Variants in TACR3 observed in about 807,000 individuals in gnomAD.
The protein encoded by TACR3 is tachykinin receptor 3, also known as neuromedin-K receptor.
Under a neutral mutation model 35.0 loss-of-function variants are expected in TACR3, and 34 were observed. That is an observed-to-expected ratio of 0.97 (90% confidence interval 0.74 to 1.30). TACR3 has a LOEUF of 1.30. Among genes scored for constraint, TACR3 ranks in the 50% most tolerant of loss-of-function variants. TACR3 has a pLI of 0.00. For missense variants in TACR3, 558 were observed against 591.7 expected (o/e 0.94, Z 0.59); for synonymous variants, 233 against 221.1 (o/e 1.05, Z -0.48).
intron 1 of TACR3, among the ~76,000 whole-genome samples, chr4:103,660,459 C>A (rs1041350755): frequency 5.3e-5 from 8 of 151,728 alleles, no homozygotes; most frequent in African/African-American, 1.9e-4. Context: ...TAACATAGTA[C>A]CTATAGTTAG....
intron 3 of TACR3, among the ~76,000 whole-genome samples, chr4:103,652,073 C>T (rs1272714552): frequency 6.6e-6 from 1 of 152,054 alleles, no homozygotes; most frequent in East Asian, 1.9e-4. Flanking sequence ...GTGGTACATG[C>T]ACCCCCTTAG....
chr4:103,633,705 C>T (rs1244411079), intron 3 of TACR3, among the ~76,000 whole-genome samples: 1 of 152,104 alleles, frequency 6.6e-6, no homozygotes, highest in East Asian at 1.9e-4. Context: ...ATAATAGTCT[C>T]TAACCTTATC....
Position 103,658,212 on chromosome 4 carries a change from T to C in TACR3, c.737+3A>G. The C allele has an allele frequency of 6.2e-7, 1 of 1,613,636 alleles. No homozygotes were observed. The highest frequency in any genetic ancestry group is 8.5e-7 in the Non-Finnish European group (1 of 1,179,706). On this transcript the variant is annotated splice_donor_region_variant and intron_variant, in intron 2 of 4. Coordinates refer to ENST00000304883, the MANE Select transcript of TACR3 (RefSeq NM_001059.3). ...TGAAAACCATAATAGAGAATTAACT[T>C]ACGTGAAATGTTGTTTGGGACCTTC...
intron 3 of TACR3, among the ~76,000 whole-genome samples, chr4:103,601,207 T>C (rs535634404): frequency 2.0e-5 from 3 of 152,006 alleles, no homozygotes; most frequent in Non-Finnish European, 4.4e-5. Context: ...TTTACCATTA[T>C]GTAATGGCCT....
intron 3 of TACR3, among the ~76,000 whole-genome samples, chr4:103,629,167 A>T (rs1578233488): frequency 6.6e-6 from 1 of 152,158 alleles, no homozygotes; most frequent in Admixed American, 6.5e-5. Flanking sequence ...TTTATGACAA[A>T]CCCACAGCCA....
At chr4:103,651,379 C>T (rs1206312161) in intron 3 of TACR3, among the ~76,000 whole-genome samples, 1 of 151,814 alleles carries the variant, frequency 6.6e-6, no homozygotes, top group Admixed American at 6.6e-5. Flanking sequence ...CTGCCACAGG[C>T]CTACAGGGAG....
intron 3 of TACR3, among the ~76,000 whole-genome samples, chr4:103,601,109 G>T (rs139152602): frequency 3.3e-5 from 5 of 151,982 alleles, no homozygotes; most frequent in Admixed American, 6.6e-5. Flanking sequence ...TTTGTTGGTC[G>T]CTAAGGACTT....
chr4:103,638,736 A>G (rs1578238138), intron 3 of TACR3, among the ~76,000 whole-genome samples: 1 of 152,146 alleles, frequency 6.6e-6, no homozygotes, highest in South Asian at 2.1e-4. Context: ...ACTCAAACAA[A>G]TTTACAAGAA....
chr4:103,662,866 G>A (rs77200138), intron 1 of TACR3, among the ~76,000 whole-genome samples: 2,260 of 152,170 alleles, frequency 0.015, 57 homozygotes, highest in African/African-American at 0.052. Context: ...ATGGAGCATC[G>A]ATTTCAAACT....
intron 3 of TACR3, among the ~76,000 whole-genome samples, chr4:103,650,652 AT>A (rs1725576950): frequency 2.0e-5 from 1 of 51,128 alleles, no homozygotes; most frequent in African/African-American, 1.5e-4. Flanking sequence ...TTTAATATAT[AT>A]AAATATATAT....
In TACR3 at chr4:103,709,357, T is replaced by C. The variant is rs890310380; in HGVS notation, c.548+9771A>G. Among the ~76,000 whole-genome samples, 4 of 152,198 alleles carry C rather than the reference T, an allele frequency of 2.6e-5. No homozygotes were observed. The South Asian group carries it at 8.3e-4, about 32-fold the overall frequency. The stretch of plus-strand genomic sequence containing the variant: ...AGAGAGTGGGGGCCAATATTCAACA[T>C]TCTTAAAGAAAAGAATTTTCAACCT... On this transcript the variant is annotated intron_variant, in intron 1 of 4. Transcript: ENST00000304883.
At position 103,707,364 on chromosome 4, in the gene TACR3, A is replaced by C. The variant is rs998013234; in HGVS notation, c.548+11764T>G. On this transcript the variant is annotated intron_variant, in intron 1 of 4. Transcript: ENST00000304883. Reference sequence around the variant, plus strand: ...TGTTTGACCCCAATGTCTACTTTACAAATTTACTTTGGCATGACTTCATAT... The same window carrying C: ...TGTTTGACCCCAATGTCTACTTTACCAATTTACTTTGGCATGACTTCATAT... Among the ~76,000 whole-genome samples the C allele has an allele frequency of 4.5e-4, 69 of 152,192 alleles. 1 individual carries two copies. Among genetic ancestry groups the C allele is most frequent in the Admixed American group, 4.5e-3 (69 of 15,286 alleles).
intron 3 of TACR3, among the ~76,000 whole-genome samples, chr4:103,627,342 G>C (rs1209926214): frequency 1.7e-5 from 2 of 118,504 alleles, no homozygotes; most frequent in Non-Finnish European, 3.4e-5. Flanking sequence ...TGGTGAAACT[G>C]TGTTTCCATT....
intron 3 of TACR3, among the ~76,000 whole-genome samples, chr4:103,629,373 T>C (rs574295844): frequency 0.013 from 1,911 of 152,206 alleles, 43 homozygotes; most frequent in African/African-American, 0.044. Flanking sequence ...GATGACATGA[T>C]TGTATATCTA....
chr4:103,680,600 C>A (rs983980265), intron 1 of TACR3, among the ~76,000 whole-genome samples: 1 of 150,032 alleles, frequency 6.7e-6, no homozygotes, highest in Non-Finnish European at 1.5e-5. Flanking sequence ...AGTGAAAATG[C>A]AATAAGAACT....
intron 3 of TACR3, among the ~76,000 whole-genome samples, chr4:103,623,115 C>G (rs972125538): frequency 8.9e-4 from 136 of 152,030 alleles, no homozygotes; most frequent in African/African-American, 3.2e-3. Context: ...AAATCCTCCT[C>G]TTCACAGGAG....
chr4:103,639,382 G>C (rs1050823460), intron 3 of TACR3, among the ~76,000 whole-genome samples: 1 of 151,886 alleles, frequency 6.6e-6, no homozygotes, highest in Non-Finnish European at 1.5e-5. Flanking sequence ...ATAGGTGGGA[G>C]TTGAACAATG....
At chr4:103,684,720 G>A (rs1423628707) in intron 1 of TACR3, among the ~76,000 whole-genome samples, 2 of 151,948 alleles carry the variant, frequency 1.3e-5, no homozygotes, top group African/African-American at 4.8e-5. Flanking sequence ...ATCTATTAAG[G>A]CTGGATGTGG....
chr4:103,688,890 C>T (rs1388762413), intron 1 of TACR3, among the ~76,000 whole-genome samples: 2 of 152,064 alleles, frequency 1.3e-5, no homozygotes, highest in East Asian at 3.9e-4. Context: ...CCAGCCATCC[C>T]ATTACTGGGT....
Sources: gnomAD v4.1 joint callset for allele counts (sites outside exome capture counted in the v4.1 genomes callset) on GRCh38, gnomAD v4.1.1 for gene constraint, MANE v1.5 for transcripts, NCBI Gene and HGNC (gene_info 2026-07-23, HGNC 2026-07-21) for gene names.